Variants in EPHA8 observed in about 807,000 individuals in gnomAD.
The protein encoded by EPHA8 is EPH receptor A8, also known as ephrin type-A receptor 8.
EPHA8 carries 58 observed loss-of-function variants against 103.6 expected under a neutral mutation model. The ratio of observed to expected loss-of-function variants is 0.56; its 90% confidence interval spans 0.45 to 0.70. The LOEUF is 0.70. Among genes scored for constraint, EPHA8 ranks in the 30% least tolerant of loss-of-function variants. The pLI, the probability that EPHA8 is intolerant of heterozygous loss-of-function variation, is 0.00. For missense variants in EPHA8, 1,304 were observed against 1,395.2 expected, an observed-to-expected ratio of 0.93 and a Z score of 1.04; for synonymous variants, 559 against 572.5, an observed-to-expected ratio of 0.98 and a Z score of 0.34.
chr1:22,576,674 C>T lies in EPHA8; in HGVS notation c.617C>T (p.Ala206Val). 5.0e-6 allele frequency: 8 copies of T among 1,613,894 alleles called. No homozygotes were observed. The highest frequency in any genetic ancestry group is 6.8e-6 in the Non-Finnish European group (8 of 1,180,030). Reference protein sequence around the residue: ...SLRIYYKKCPAMVRNLAAFSE... With the variant: ...SLRIYYKKCPVMVRNLAAFSE... ...CGCATCTACTATAAGAAGTGCCCTGCCATGGTGCGCAATCTGGCTGCCTTC... is the reference window on the plus strand; with the variant it reads ...CGCATCTACTATAAGAAGTGCCCTGTCATGGTGCGCAATCTGGCTGCCTTC... Residue 206 changes from alanine (A) to valine (V), a missense_variant, in exon 3 of 17, where the codon GCC becomes GTC. Physicochemically the swap from Ala to Val is moderately conservative, Grantham distance 64. Coordinates refer to ENST00000166244, the MANE Select transcript of EPHA8 (RefSeq NM_020526.5). The surrounding 1 kb of genome is among the most constrained non-coding windows in gnomAD (Gnocchi z 4.8).
At chr1:22,578,628 T>G (rs1308048538) in intron 3 of EPHA8, among the ~76,000 whole-genome samples, 1 of 147,850 alleles carries the variant, frequency 6.8e-6, no homozygotes, top group Non-Finnish European at 1.5e-5. Context: ...TCTGCGTGTG[T>G]GCATGTGTGT....
intron 1 of EPHA8, among the ~76,000 whole-genome samples, chr1:22,565,591 T>C (rs1345402981): frequency 6.6e-6 from 1 of 152,088 alleles, no homozygotes; most frequent in East Asian, 1.9e-4. Flanking sequence ...ACCCCCTGCC[T>C]CAACTCTCTT....
intron 3 of EPHA8, among the ~76,000 whole-genome samples, chr1:22,579,562 C>A (rs1039283402): frequency 6.6e-6 from 1 of 152,190 alleles, no homozygotes; most frequent in Non-Finnish European, 1.5e-5. Context: ...GTGGGGAACA[C>A]TAAGCAAGCT....
At chr1:22,566,503 C>T (rs1032340162) in intron 1 of EPHA8, among the ~76,000 whole-genome samples, 1 of 152,184 alleles carries the variant, frequency 6.6e-6, no homozygotes, top group Middle Eastern at 3.2e-3. Context: ...CCCAGAACAG[C>T]CCGGGCAGAT....
chr1:22,579,033 A>G (rs1043034088), intron 3 of EPHA8, among the ~76,000 whole-genome samples: 3 of 141,480 alleles, frequency 2.1e-5, no homozygotes, highest in South Asian at 2.3e-4. Flanking sequence ...AAGAGTATGT[A>G]TGCATGTGTG....
chr1:22,582,360 C>A (rs1641069627), intron 3 of EPHA8, among the ~76,000 whole-genome samples: 1 of 152,180 alleles, frequency 6.6e-6, no homozygotes. Context: ...AGGGGCCAGG[C>A]CCCCTTCAAC....
intron 1 of EPHA8, among the ~76,000 whole-genome samples, chr1:22,566,085 G>A (rs996106345): frequency 6.6e-6 from 1 of 152,224 alleles, no homozygotes; most frequent in African/African-American, 2.4e-5. Context: ...CCAAACAACA[G>A]TCCACTCAAC....
chr1:22,587,545 C>T (rs766582647), intron 4 of EPHA8, among the ~76,000 whole-genome samples: 1 of 152,194 alleles, frequency 6.6e-6, no homozygotes, highest in African/African-American at 2.4e-5. Flanking sequence ...TCTGCTGATG[C>T]AGCGCCTGGA....
rs996005171 is a variant in EPHA8, at chr1:22,601,534, G to A, written c.2903+61G>A. The A allele has an allele frequency of 3.9e-5, 62 of 1,599,002 alleles. No homozygotes were observed. The Admixed American group carries it at 5.5e-4, about 14-fold the overall frequency. ...GGGGGCAGGGGGGGGGACCCCTGCC[G>A]GGGAGGCTACAGGTCCAGATCCATG... On this transcript the variant is annotated intron_variant, in intron 16 of 16. Transcript: ENST00000166244.
chr1:22,566,582 G>A (rs937923451), intron 1 of EPHA8, among the ~76,000 whole-genome samples: 3 of 152,148 alleles, frequency 2.0e-5, no homozygotes, highest in African/African-American at 4.8e-5. Context: ...TAAGTGCTTC[G>A]CTTCACTGAA....
At chr1:22,582,062 G>C (rs375776419) in intron 3 of EPHA8, among the ~76,000 whole-genome samples, 2 of 152,200 alleles carry the variant, frequency 1.3e-5, no homozygotes, top group African/African-American at 4.8e-5. Flanking sequence ...GATGGCCTGG[G>C]GCAAAGGAAG....
In EPHA8 at chr1:22,598,153, C is replaced by T. The variant is rs62642537; in HGVS notation, c.2119C>T (p.Arg707Cys). The change falls in exon 12 of 17, where the codon CGC (arginine) becomes TGC (cysteine). Residue 707 changes from arginine to cysteine, a missense_variant and splice_region_variant. By Grantham distance (180) the Arg-to-Cys change is radical (BLOSUM62 -3). Transcript: ENST00000166244. This position sits in a 1 kb window ranked among gnomAD's most constrained non-coding sequence, Gnocchi z 5.1. The part of the protein sequence containing the change: ...IRLEGVVTRG[R>C]LAMIVTEYME... ...CCCTCTCCCTACTGCCCGCCCAGGCCGCCTGGCAATGATTGTGACTGAGTA... is the reference window on the plus strand; with the variant it reads ...CCCTCTCCCTACTGCCCGCCCAGGCTGCCTGGCAATGATTGTGACTGAGTA... The T allele has an allele frequency of 2.5e-3, 3,994 of 1,613,418 alleles. 85 individuals carry two copies. In the African/African-American group the frequency reaches 0.046, roughly 19 times the overall value.
At position 22,602,075 on chromosome 1, in the gene EPHA8, T is replaced by C. The variant is rs1390514081; in HGVS notation, c.*334T>C. The stretch of plus-strand genomic sequence containing the variant: ...GCATGTGTGTGTGTGGTGGGGGGTG[T>C]TCTCACAAGGTCATGGGATCTCATG... On this transcript the variant is annotated 3_prime_UTR_variant, in exon 17 of 17. Transcript: ENST00000166244. 4.5e-6 allele frequency: 2 copies of C among 441,316 alleles called. No homozygotes were observed. Among genetic ancestry groups the C allele is most frequent in the African/African-American group, 2.1e-5 (1 of 47,744 alleles). The allele number at this position is 441,316 out of a possible 1,614,324, so 27.3% of individuals were successfully genotyped here.
chr1:22,581,378 G>A (rs72651337), intron 3 of EPHA8, among the ~76,000 whole-genome samples: 5,506 of 152,306 alleles, frequency 0.036, 162 homozygotes, highest in Non-Finnish European at 0.059. Context: ...TTTAGCCAGC[G>A]AGTACAAATA....
chr1:22,581,023 G>A (rs1262403147), intron 3 of EPHA8, among the ~76,000 whole-genome samples: 1 of 152,190 alleles, frequency 6.6e-6, no homozygotes, highest in Non-Finnish European at 1.5e-5. Context: ...CTGTGTCCCG[G>A]CATTGGGGAT....
In EPHA8 at chr1:22,601,900, T is replaced by C; in HGVS notation, c.*159T>C. The C allele has an allele frequency of 2.7e-6, 2 of 744,272 alleles. No homozygotes were observed. Among genetic ancestry groups the C allele is most frequent in the Non-Finnish European group, 4.3e-6 (2 of 461,314 alleles). 46.1% of individuals were successfully genotyped at this position (744,272 alleles called of 1,614,324 possible). A position where few individuals can be genotyped will look rare whatever the true frequency, so the allele number is the denominator to read the frequency against. On this transcript the variant is annotated 3_prime_UTR_variant, in exon 17 of 17. Coordinates refer to ENST00000166244, the MANE Select transcript of EPHA8 (RefSeq NM_020526.5). The stretch of plus-strand genomic sequence containing the variant: ...GGCTTCGCCACAGGACCTGGAGTTA[T>C]CAGGGGTCAGGCGCCTGGGAAGGGG...
At position 22,597,934 on chromosome 1, in the gene EPHA8, T is replaced by C; in HGVS notation, c.2116+73T>C. On this transcript the variant is annotated intron_variant, in intron 11 of 16. Transcript: ENST00000166244. The surrounding 1 kb of genome is among the most constrained non-coding windows in gnomAD (Gnocchi z 4.6). ...TGGAGAGGCCTCTGGGTCCATCCCC[T>C]CATCCATCCTGCTCTGCCCCACCTG... 6.5e-7 allele frequency: 1 copy of C among 1,544,152 alleles called. No homozygotes were observed. The highest frequency in any genetic ancestry group is 1.7e-4 in the Middle Eastern group (1 of 5,766).
At chr1:22,588,180 G>A (rs923816764) in intron 4 of EPHA8, among the ~76,000 whole-genome samples, 1 of 152,168 alleles carries the variant, frequency 6.6e-6, no homozygotes, top group Non-Finnish European at 1.5e-5. Flanking sequence ...TCTCTGCCTG[G>A]AATTCTGAGA....
chr1:22,578,225 C>CATGTGTGTATGTGTGT (rs1297255350), intron 3 of EPHA8, among the ~76,000 whole-genome samples: 5 of 85,088 alleles, frequency 5.9e-5, no homozygotes, highest in African/African-American at 2.0e-4. Context: ...TGTGAGTGTG[C>CATGTGTGTATGTGTGT]ATGTGTGTAT....
Sources: allele counts gnomAD v4.1 joint callset (sites outside exome capture counted in the v4.1 genomes callset), GRCh38; gene constraint gnomAD v4.1.1; non-coding constraint Gnocchi (gnomAD v3.1); transcripts MANE v1.5; gene names NCBI Gene and HGNC (gene_info 2026-07-23, HGNC 2026-07-21).